The following NHSL2 variants were observed in gnomAD, a reference collection of about 807,000 sequenced individuals.
NHSL2 encodes NHS like 2.
A neutral mutation model predicts 53.4 loss-of-function variants in NHSL2; 27 were observed. The observed-to-expected ratio is 0.51, with a 90% confidence interval of 0.37 to 0.70. NHSL2 has a LOEUF of 0.70. Ranked by LOEUF, NHSL2 falls within the 30% of genes least tolerant of loss-of-function variation. The probability of loss-of-function intolerance (pLI) is 0.00; values close to 1 mark genes in which losing one functional copy is unlikely to be tolerated. For missense variants in NHSL2, 892 were observed against 980.1 expected (o/e 0.91, Z 1.20); for synonymous variants, 408 against 404.1 (o/e 1.01, Z -0.12).
At chrX:71,958,348 G>A (rs1004118430) in intron 1 of NHSL2, among the ~76,000 whole-genome samples, 1 of 111,956 alleles carries the variant, frequency 8.9e-6, no homozygotes, top group African/African-American at 3.3e-5. Context: ...GTGAGAGCCA[G>A]TCCTGGTGGC....
At chrX:72,129,615 G>A (rs995039347) in intron 1 of NHSL2, 1 of 427,262 alleles carries the variant, frequency 2.3e-6, no homozygotes, top group Admixed American at 4.5e-5. Flanking sequence ...GGCAGCTATT[G>A]CTGATCCCTC....
rs1479862368 is a variant in NHSL2, at chrX:72,147,839, C to T, written c.*4265C>T. On this transcript the variant is annotated 3_prime_UTR_variant, in exon 8 of 8. Coordinates refer to ENST00000633930, the MANE Select transcript of NHSL2 (RefSeq NM_001013627.3). ...TTTGAGATTATAAGGCTTAATGCTA[C>T]CTCTTTTGAGGGTCAGTTGCATTTT... The T allele has an allele frequency of 1.8e-5, 2 of 112,334 alleles. No homozygotes were observed. The highest frequency in any genetic ancestry group is 3.2e-5 in the African/African-American group (1 of 30,899). 9.3% of individuals were successfully genotyped at this position (112,334 alleles called of 1,213,427 possible). A position where few individuals can be genotyped will look rare whatever the true frequency, so the allele number is the denominator to read the frequency against.
intron 1 of NHSL2, among the ~76,000 whole-genome samples, chrX:72,060,076 C>A: frequency 1.8e-5 from 2 of 112,028 alleles, no homozygotes; most frequent in Middle Eastern, 4.6e-3. Context: ...GAAAAAAGTG[C>A]ATTTGACCTC....
intron 1 of NHSL2, among the ~76,000 whole-genome samples, chrX:71,936,198 A>G (rs1264274340): frequency 9.0e-6 from 1 of 111,687 alleles, no homozygotes; most frequent in Non-Finnish European, 1.9e-5. Context: ...TGATTAGGGG[A>G]TACTGCTTCC....
intron 1 of NHSL2, among the ~76,000 whole-genome samples, chrX:72,116,945 G>A (rs1602381815): frequency 8.9e-6 from 1 of 111,876 alleles, no homozygotes. Context: ...TAAAGGATAA[G>A]TACAACTAGT....
At chrX:71,939,986 T>G (rs536602989) in intron 1 of NHSL2, among the ~76,000 whole-genome samples, 6 of 111,460 alleles carry the variant, frequency 5.4e-5, no homozygotes, top group African/African-American at 2.0e-4. Context: ...GAGTTATCAG[T>G]TTATAGATGG....
intron 1 of NHSL2, among the ~76,000 whole-genome samples, chrX:72,088,844 T>C (rs1049723349): frequency 1.8e-5 from 2 of 112,502 alleles, no homozygotes; most frequent in African/African-American, 3.2e-5. Context: ...TTCTAATTCA[T>C]TGGTGCGTTG....
At chrX:71,919,704 A>G (rs892507008) in intron 1 of NHSL2, among the ~76,000 whole-genome samples, 1 of 111,231 alleles carries the variant, frequency 9.0e-6, no homozygotes, top group Non-Finnish European at 1.9e-5. Context: ...GGGGGAAAAC[A>G]TTCTTTGGAA....
intron 1 of NHSL2, among the ~76,000 whole-genome samples, chrX:72,026,147 C>T (rs1473738165): frequency 1.8e-5 from 2 of 111,952 alleles, no homozygotes; most frequent in Admixed American, 9.4e-5. Flanking sequence ...CTCCCCTGCC[C>T]GATTCCCTGA....
At chrX:72,101,727 G>A (rs1254526666) in intron 1 of NHSL2, among the ~76,000 whole-genome samples, 4 of 110,183 alleles carry the variant, frequency 3.6e-5, no homozygotes, top group Non-Finnish European at 7.6e-5. Context: ...TTACCAGGCC[G>A]AGGAGTGGAA....
intron 1 of NHSL2, among the ~76,000 whole-genome samples, chrX:72,084,638 G>A (rs1282714767): frequency 8.9e-6 from 1 of 112,176 alleles, no homozygotes. Context: ...AAAGAGGGCC[G>A]TCAGCCAGCA....
intron 2 of NHSL2, among the ~76,000 whole-genome samples, chrX:72,133,355 A>C (rs945491351): frequency 2.7e-5 from 3 of 112,146 alleles, no homozygotes; most frequent in African/African-American, 9.7e-5. Flanking sequence ...GAGCAACCCC[A>C]AATCTCTGTG....
At chrX:72,006,546 T>C (rs2042095040) in intron 1 of NHSL2, among the ~76,000 whole-genome samples, 1 of 112,442 alleles carries the variant, frequency 8.9e-6, no homozygotes, top group African/African-American at 3.2e-5. Context: ...GGCAGGCAGA[T>C]GCCTTCCCAC....
Position 71,990,697 on chromosome X carries a change from C to G in NHSL2, c.280+79330C>G, listed in dbSNP as rs768984057. ...CCCACAACACTGGCCTGGCCCCAAT[C>G]CATCTTGTCAACACTGCTAGATGAA... On this transcript the variant is annotated intron_variant, in intron 1 of 7. Coordinates refer to ENST00000633930, the MANE Select transcript of NHSL2 (RefSeq NM_001013627.3). 1.5e-4 allele frequency among the ~76,000 whole-genome samples: 17 copies of G among 112,166 alleles called. No homozygotes were observed. The South Asian group carries it at 5.2e-3, about 34-fold the overall frequency.
chrX:72,086,766 G>C (rs751564350), intron 1 of NHSL2, among the ~76,000 whole-genome samples: 1 of 107,321 alleles, frequency 9.3e-6, no homozygotes, highest in Non-Finnish European at 1.9e-5. Flanking sequence ...AAAAACATGA[G>C]TCTCATTCAA....
rs2042475984 is a variant in NHSL2 at position 72,147,837 on chromosome X, T to C, written c.*4263T>C. On this transcript the variant is annotated 3_prime_UTR_variant, in exon 8 of 8. Coordinates refer to ENST00000633930, the MANE Select transcript of NHSL2 (RefSeq NM_001013627.3). ...ACTTTGAGATTATAAGGCTTAATGC[T>C]ACCTCTTTTGAGGGTCAGTTGCATT... is the stretch of plus-strand genomic sequence containing the variant. The C allele has an allele frequency of 8.9e-6, 1 of 112,474 alleles. No homozygotes were observed. The highest frequency in any genetic ancestry group is 3.7e-4 in the South Asian group (1 of 2,720). The allele number at this position is 112,474 out of a possible 1,213,427, so 9.3% of individuals were successfully genotyped here.
At chrX:72,065,914 C>A (rs1222458221) in intron 1 of NHSL2, among the ~76,000 whole-genome samples, 1 of 111,715 alleles carries the variant, frequency 9.0e-6, no homozygotes, top group Admixed American at 9.5e-5. Context: ...TTCAGGGAAT[C>A]AAGAGAGAGG....
intron 1 of NHSL2, among the ~76,000 whole-genome samples, chrX:72,083,878 ACGATCTGT>A (rs1366908375): frequency 8.9e-6 from 1 of 111,879 alleles, no homozygotes; most frequent in African/African-American, 3.3e-5. Context: ...AAGGCCCTGC[ACGATCTGT>A]CTCTACTCTT....
At chrX:72,020,708 T>C (rs2042155983) in intron 1 of NHSL2, among the ~76,000 whole-genome samples, 1 of 112,730 alleles carries the variant, frequency 8.9e-6, no homozygotes, top group East Asian at 2.8e-4. Context: ...CCTTGGCCCC[T>C]GCCGTTTTAA....
Sources: allele counts gnomAD v4.1 joint callset (sites outside exome capture counted in the v4.1 genomes callset), GRCh38; gene constraint gnomAD v4.1.1; transcripts MANE v1.5; gene names NCBI Gene and HGNC (gene_info 2026-07-23, HGNC 2026-07-21).